TMEM132D: variants seen among roughly 807,000 people sequenced by gnomAD.
TMEM132D encodes mature OL transmembrane protein.
A neutral mutation model predicts 62.3 loss-of-function variants in TMEM132D; 21 were observed. That is an observed-to-expected ratio of 0.34 (90% CI 0.24 to 0.49). The LOEUF (loss-of-function observed/expected upper bound fraction) is 0.49, where lower values mean the gene tolerates loss of function less well. Among genes scored for constraint, TMEM132D ranks in the 20% least tolerant of loss-of-function variants. The pLI, the probability that TMEM132D is intolerant of heterozygous loss-of-function variation, is 0.99. For missense variants in TMEM132D, 1,346 were observed against 1,402.8 expected, an observed-to-expected ratio of 0.96 and a Z score of 0.65; for synonymous variants, 621 against 575.6, an observed-to-expected ratio of 1.08 and a Z score of -1.13.
intron 3 of TMEM132D, among the ~76,000 whole-genome samples, chr12:129,394,058 A>T (rs1164260218): frequency 6.6e-6 from 1 of 152,178 alleles, no homozygotes; most frequent in African/African-American, 2.4e-5. Context: ...AACAAGGCAA[A>T]ATTAGAAACG....
chr12:129,118,942 T>C lies in TMEM132D; in HGVS notation c.1444-34240A>G, dbSNP rs117839272. On this transcript the variant is annotated intron_variant, in intron 5 of 8. Coordinates refer to ENST00000422113, the MANE Select transcript of TMEM132D (RefSeq NM_133448.3). ...GTTCTTTCTCCAACAGAGGGCCTTCTACAGGGCAGATTTGATGCTCTGACA... is the reference window on the plus strand; with the variant it reads ...GTTCTTTCTCCAACAGAGGGCCTTCCACAGGGCAGATTTGATGCTCTGACA... Among the ~76,000 whole-genome samples the C allele has an allele frequency of 1.2e-3, 176 of 152,318 alleles. 1 individual carries two copies. The highest frequency in any genetic ancestry group is 6.8e-3 in the South Asian group (33 of 4,828).
intron 8 of TMEM132D, among the ~76,000 whole-genome samples, chr12:129,075,914 G>T (rs1406852426): frequency 6.6e-6 from 1 of 152,046 alleles, no homozygotes; most frequent in Non-Finnish European, 1.5e-5. Flanking sequence ...CAGATCCATT[G>T]CTTCCTCCCT....
intron 3 of TMEM132D, among the ~76,000 whole-genome samples, chr12:129,363,864 G>T (rs1025440546): frequency 4.6e-5 from 7 of 152,096 alleles, no homozygotes; most frequent in African/African-American, 1.7e-4. Flanking sequence ...TTTCGTTTTG[G>T]GTATGGTGAG....
chr12:129,163,921 A>G (rs1877467639), intron 5 of TMEM132D, among the ~76,000 whole-genome samples: 1 of 152,222 alleles, frequency 6.6e-6, no homozygotes, highest in Non-Finnish European at 1.5e-5. Flanking sequence ...GGGAAGAGAA[A>G]CACTGAGATG....
chr12:129,858,642 C>T (rs1158196043), intron 1 of TMEM132D, among the ~76,000 whole-genome samples: 1 of 35,534 alleles, frequency 2.8e-5, no homozygotes, highest in African/African-American at 9.4e-5. Flanking sequence ...GATGGGTGCC[C>T]TTGTAACAGA....
At chr12:129,329,718 A>G (rs982358828) in intron 4 of TMEM132D, among the ~76,000 whole-genome samples, 4 of 152,112 alleles carry the variant, frequency 2.6e-5, no homozygotes, top group African/African-American at 9.7e-5. Context: ...GCCTTTACTG[A>G]GCATCTACTA....
At chr12:129,873,492 G>A (rs1874321877) in intron 1 of TMEM132D, among the ~76,000 whole-genome samples, 1 of 152,210 alleles carries the variant, frequency 6.6e-6, no homozygotes, top group Non-Finnish European at 1.5e-5. Context: ...GTCAAAAGCA[G>A]CAGGAAATTT....
At chr12:129,751,481 A>G (rs1209281625) in intron 1 of TMEM132D, among the ~76,000 whole-genome samples, 1 of 152,184 alleles carries the variant, frequency 6.6e-6, no homozygotes, top group Non-Finnish European at 1.5e-5. Flanking sequence ...CAGCCAAACC[A>G]TCAGTCCCCA....
At chr12:129,384,562 G>C (rs1871049024) in intron 3 of TMEM132D, among the ~76,000 whole-genome samples, 1 of 151,974 alleles carries the variant, frequency 6.6e-6, no homozygotes, top group Non-Finnish European at 1.5e-5. Flanking sequence ...GCCCAGGAGG[G>C]ACTTTAACCA....
intron 2 of TMEM132D, among the ~76,000 whole-genome samples, chr12:129,665,472 A>G (rs138704445): frequency 2.0e-5 from 3 of 152,140 alleles, no homozygotes; most frequent in African/African-American, 7.2e-5. Flanking sequence ...ATCTTTGCGG[A>G]AAATTAAAAC....
intron 2 of TMEM132D, among the ~76,000 whole-genome samples, chr12:129,577,267 C>T (rs1877691546): frequency 6.6e-6 from 1 of 151,842 alleles, no homozygotes; most frequent in Non-Finnish European, 1.5e-5. Context: ...CTTGCCAAAA[C>T]AGCAGCAGGA....
chr12:129,427,423 GC>G (rs1326526714), intron 3 of TMEM132D, among the ~76,000 whole-genome samples: 1 of 145,820 alleles, frequency 6.9e-6, no homozygotes, highest in Admixed American at 6.9e-5. Flanking sequence ...GGGGGAGGGG[GC>G]AGGGATAGCA....
intron 4 of TMEM132D, among the ~76,000 whole-genome samples, chr12:129,291,858 A>C (rs1320606767): frequency 1.3e-5 from 2 of 152,162 alleles, no homozygotes; most frequent in Non-Finnish European, 2.9e-5. Flanking sequence ...AGGCTGGGGA[A>C]GGTCAAAGCC....
At chr12:129,395,897 TA>T (rs1871413341) in intron 3 of TMEM132D, among the ~76,000 whole-genome samples, 1 of 147,118 alleles carries the variant, frequency 6.8e-6, no homozygotes, top group African/African-American at 2.5e-5. Flanking sequence ...ATAACATTTA[TA>T]ATATACTATA....
chr12:129,194,887 A>G (rs1878504567), intron 5 of TMEM132D, among the ~76,000 whole-genome samples: 1 of 152,154 alleles, frequency 6.6e-6, no homozygotes. Flanking sequence ...GACAACCAAG[A>G]GAGATGGCCC....
intron 1 of TMEM132D, among the ~76,000 whole-genome samples, chr12:129,819,193 T>C (rs930838406): frequency 3.9e-5 from 6 of 151,980 alleles, no homozygotes; most frequent in Non-Finnish European, 8.8e-5. Flanking sequence ...GGAAATTCCA[T>C]AAAGATAGTG....
intron 7 of TMEM132D, among the ~76,000 whole-genome samples, chr12:129,080,832 A>T (rs1223859283): frequency 6.6e-6 from 1 of 152,048 alleles, no homozygotes; most frequent in Non-Finnish European, 1.5e-5. Flanking sequence ...AAATGACCAA[A>T]CCCTTACAAG....
chr12:129,691,770 A>C (rs1261291449), intron 2 of TMEM132D, among the ~76,000 whole-genome samples: 1 of 152,100 alleles, frequency 6.6e-6, no homozygotes, highest in Non-Finnish European at 1.5e-5. Flanking sequence ...ATAAAAATCA[A>C]AACAAAAACA....
At chr12:129,737,950 C>T (rs936850486) in intron 1 of TMEM132D, among the ~76,000 whole-genome samples, 12 of 152,302 alleles carry the variant, frequency 7.9e-5, no homozygotes, top group African/African-American at 2.9e-4. Context: ...TCACCTGCAA[C>T]CAATACAATT....
Sources: gnomAD v4.1 joint callset for allele counts (sites outside exome capture counted in the v4.1 genomes callset) on GRCh38, gnomAD v4.1.1 for gene constraint, MANE v1.5 for transcripts, NCBI Gene and HGNC (gene_info 2026-07-23, HGNC 2026-07-21) for gene names.